Variants in SPMIP7 observed in about 807,000 individuals in gnomAD.
SPMIP7 encodes protein SPMIP7.
At chr7:50,102,350 G>A in the SPMIP7 span, among the ~76,000 whole-genome samples, 3 of 152,094 alleles carry the variant, frequency 2.0e-5, no homozygotes, top group African/African-American at 7.2e-5. Flanking sequence ...CCAAAATCAA[G>A]GTGTTATCTT....
chr7:50,136,205 ACTAT>A, the SPMIP7 span: 1 of 1,372,934 alleles, frequency 7.3e-7, no homozygotes, highest in Non-Finnish European at 1.0e-6. Flanking sequence ...TAGGTTTCTC[ACTAT>A]CATGTTTTGT....
chr7:50,149,211 G>A, the SPMIP7 span, among the ~76,000 whole-genome samples: 1 of 152,238 alleles, frequency 6.6e-6, no homozygotes, highest in South Asian at 2.1e-4. Context: ...TGAGATGTCA[G>A]TGTGCAGCAC....
the SPMIP7 span, among the ~76,000 whole-genome samples, chr7:50,123,098 C>T: frequency 7.3e-6 from 1 of 136,290 alleles, no homozygotes; most frequent in Non-Finnish European, 1.6e-5. Context: ...AATCATGCTG[C>T]TATAAAGACA....
At chr7:50,133,616 G>A in the SPMIP7 span, among the ~76,000 whole-genome samples, 3 of 152,080 alleles carry the variant, frequency 2.0e-5, no homozygotes, top group African/African-American at 7.2e-5. Flanking sequence ...TCCCAACTGG[G>A]TTTACTGTTT....
chr7:50,150,492 G>A, the SPMIP7 span, among the ~76,000 whole-genome samples: 1 of 152,184 alleles, frequency 6.6e-6, no homozygotes, highest in South Asian at 2.1e-4. Flanking sequence ...AAGATGGTAG[G>A]CTATTACACA....
the SPMIP7 span, among the ~76,000 whole-genome samples, chr7:50,116,186 G>T: frequency 6.6e-6 from 1 of 152,190 alleles, no homozygotes; most frequent in African/African-American, 2.4e-5. Context: ...CGTGATCACA[G>T]CTCACTGCAG....
the SPMIP7 span, among the ~76,000 whole-genome samples, chr7:50,137,156 A>G: frequency 6.6e-6 from 1 of 152,126 alleles, no homozygotes; most frequent in African/African-American, 2.4e-5. Flanking sequence ...ATATTTATGC[A>G]ACTTTATATT....
chr7:50,097,696 A>C, the SPMIP7 span, among the ~76,000 whole-genome samples: 1 of 151,726 alleles, frequency 6.6e-6, no homozygotes, highest in Non-Finnish European at 1.5e-5. Flanking sequence ...AAAAAAAAAA[A>C]AACTCACCTA....
the SPMIP7 span, among the ~76,000 whole-genome samples, chr7:50,130,460 C>T: frequency 7.7e-3 from 1,175 of 152,108 alleles, 23 homozygotes; most frequent in African/African-American, 0.027. Flanking sequence ...AAACTGCCCC[C>T]ATGATTCAAT....
chr7:50,158,506 C>T, the SPMIP7 span, among the ~76,000 whole-genome samples: 2 of 151,368 alleles, frequency 1.3e-5, no homozygotes, highest in Non-Finnish European at 2.9e-5. Context: ...TTCTGCTGGC[C>T]TCTGGGTGAG....
At chr7:50,143,156 G>A in the SPMIP7 span, among the ~76,000 whole-genome samples, 7 of 127,042 alleles carry the variant, frequency 5.5e-5, no homozygotes, top group Non-Finnish European at 1.1e-4. Flanking sequence ...TTCAGTGAAA[G>A]CCATTTTTTT....
the SPMIP7 span, among the ~76,000 whole-genome samples, chr7:50,131,628 G>A: frequency 6.6e-6 from 1 of 152,180 alleles, no homozygotes; most frequent in Non-Finnish European, 1.5e-5. Context: ...CAGCAATCGA[G>A]ACTGAAACGG....
chr7:50,130,898 T>C, the SPMIP7 span, among the ~76,000 whole-genome samples: 2 of 152,078 alleles, frequency 1.3e-5, no homozygotes, highest in African/African-American at 2.4e-5. Context: ...AGGGTAACAG[T>C]AGGGTAAGAG....
chr7:50,115,841 A>T, the SPMIP7 span, among the ~76,000 whole-genome samples: 1 of 152,192 alleles, frequency 6.6e-6, no homozygotes, highest in Non-Finnish European at 1.5e-5. Flanking sequence ...TTAATAATGG[A>T]TGTCTGTGAA....
chr7:50,112,371 T>C, the SPMIP7 span, among the ~76,000 whole-genome samples: 1 of 152,048 alleles, frequency 6.6e-6, no homozygotes, highest in Non-Finnish European at 1.5e-5. Context: ...TTGGGCTTCA[T>C]AAATCTTTGC....
chr7:50,116,307 G>T, the SPMIP7 span, among the ~76,000 whole-genome samples: 1 of 152,104 alleles, frequency 6.6e-6, no homozygotes, highest in Non-Finnish European at 1.5e-5. Flanking sequence ...TGGAGACAGG[G>T]TCTCCCCATG....
the SPMIP7 span, chr7:50,134,165 A>G: frequency 5.2e-6 from 8 of 1,551,024 alleles, no homozygotes; most frequent in South Asian, 9.5e-5. Context: ...TTCCAGAAGA[A>G]ACAACATTGG....
At chr7:50,127,548 T>C in the SPMIP7 span, among the ~76,000 whole-genome samples, 1 of 150,936 alleles carries the variant, frequency 6.6e-6, no homozygotes, top group African/African-American at 2.4e-5. Flanking sequence ...AACAACTCTA[T>C]AGCTATGTAT....
the SPMIP7 span, among the ~76,000 whole-genome samples, chr7:50,109,086 T>C: frequency 6.6e-6 from 1 of 152,210 alleles, no homozygotes; most frequent in African/African-American, 2.4e-5. Context: ...AGTATTGCAC[T>C]ATGTTTTTGA....
Sources: allele counts gnomAD v4.1 joint callset (sites outside exome capture counted in the v4.1 genomes callset), GRCh38; gene constraint gnomAD v4.1.1; transcripts MANE v1.5; gene names NCBI Gene and HGNC (gene_info 2026-07-23, HGNC 2026-07-21).